The following BACH2 variants were observed in gnomAD, a reference collection of about 807,000 sequenced individuals.
The protein encoded by BACH2 is transcription regulator protein BACH2.
Under a neutral mutation model 61.8 loss-of-function variants are expected in BACH2, and 5 were observed. The ratio of observed to expected loss-of-function variants is 0.08; its 90% CI spans 0.04 to 0.17. The LOEUF (loss-of-function observed/expected upper bound fraction) is 0.17, where lower values mean the gene tolerates loss of function less well. Ranked by LOEUF, BACH2 falls within the 10% of genes least tolerant of loss-of-function variation. BACH2 has a pLI of 1.00. For missense variants in BACH2, 824 were observed against 1,091.1 expected, an observed-to-expected ratio of 0.76 and a Z score of 3.45; for synonymous variants, 446 against 440.1, an observed-to-expected ratio of 1.01 and a Z score of -0.17.
intron 3 of BACH2, among the ~76,000 whole-genome samples, chr6:90,215,294 C>T (rs1460192674): frequency 6.6e-6 from 1 of 152,126 alleles, no homozygotes; most frequent in Admixed American, 6.5e-5. Context: ...TTTCCATCCC[C>T]CTGGTCTGTG....
At position 90,271,928 on chromosome 6, in the gene BACH2, T is replaced by C. The variant is rs1056847342; in HGVS notation, c.-432A>G. On this transcript the variant is annotated 5_prime_UTR_variant, in exon 2 of 9. Coordinates refer to ENST00000257749, the MANE Select transcript of BACH2 (RefSeq NM_021813.4). The stretch of plus-strand genomic sequence containing the variant: ...GGCGAAATGTTAAAACTGGGAGCTA[T>C]GTGAACGAACGCGCTGAAAGACAAA... 19 of 152,448 alleles carry C rather than the reference T, an allele frequency of 1.2e-4. No homozygotes were observed. The highest frequency in any genetic ancestry group is 4.1e-4 in the African/African-American group (17 of 41,544). 9.4% of individuals were successfully genotyped at this position (152,448 alleles called of 1,614,324 possible).
At chr6:90,276,955 A>C (rs1383475994) in intron 1 of BACH2, among the ~76,000 whole-genome samples, 1 of 152,166 alleles carries the variant, frequency 6.6e-6, no homozygotes, top group African/African-American at 2.4e-5. Context: ...CCTCCCTTGA[A>C]AAAATGTGTT....
intron 4 of BACH2, among the ~76,000 whole-genome samples, chr6:90,143,061 T>C (rs958250157): frequency 2.6e-5 from 4 of 152,168 alleles, no homozygotes; most frequent in African/African-American, 9.7e-5. Flanking sequence ...TTATCCACTA[T>C]CCTCCATTCA....
chr6:90,111,660 C>A (rs1227883217), intron 4 of BACH2, among the ~76,000 whole-genome samples: 2 of 152,228 alleles, frequency 1.3e-5, no homozygotes, highest in African/African-American at 2.4e-5. Context: ...TCAACCTGCC[C>A]ATACACATCT....
At chr6:90,067,389 G>A (rs527237777) in intron 5 of BACH2, among the ~76,000 whole-genome samples, 138 of 152,272 alleles carry the variant, frequency 9.1e-4, no homozygotes, top group Non-Finnish European at 1.0e-3. Context: ...GGGATGTTAC[G>A]CAGTAAGTAG....
chr6:89,980,384 C>T (rs1234172431), intron 6 of BACH2, among the ~76,000 whole-genome samples: 3 of 152,146 alleles, frequency 2.0e-5, no homozygotes, highest in Admixed American at 6.5e-5. Context: ...TGGACACACA[C>T]ATGAGCATGG....
intron 5 of BACH2, among the ~76,000 whole-genome samples, chr6:90,057,212 T>A (rs975048129): frequency 6.6e-6 from 1 of 151,832 alleles, no homozygotes; most frequent in African/African-American, 2.4e-5. Flanking sequence ...TCAACAACAT[T>A]GATAGACTGC....
chr6:90,206,153 T>C (rs1769137335), intron 4 of BACH2, among the ~76,000 whole-genome samples: 1 of 152,164 alleles, frequency 6.6e-6, no homozygotes, highest in African/African-American at 2.4e-5. Flanking sequence ...TCCTATCAGG[T>C]AGGTATCATT....
chr6:90,032,443 T>C lies in BACH2; in HGVS notation c.-12-23587A>G, dbSNP rs1779038689. Among the ~76,000 whole-genome samples the C allele has an allele frequency of 1.7e-5, 2 of 115,972 alleles. 1 individual carries two copies. Among genetic ancestry groups the C allele is most frequent in the African/African-American group, 8.7e-5 (2 of 22,868 alleles). The allele number at this position is 115,972 out of a possible 152,430, so 76.1% of individuals were successfully genotyped here. On this transcript the variant is annotated intron_variant, in intron 5 of 8. Transcript: ENST00000257749. ...CAACCTACAGAATTGGAGGAAATTTTTGTAATCTACTCATCTGACAAAAGG... is the reference window on the plus strand; with the variant it reads ...CAACCTACAGAATTGGAGGAAATTTCTGTAATCTACTCATCTGACAAAAGG...
rs183549473 is a variant in BACH2, at chr6:90,092,532, C to T, written c.-161-3423G>A. Among the ~76,000 whole-genome samples, 8 of 152,008 alleles carry T rather than the reference C, an allele frequency of 5.3e-5. No homozygotes were observed. The East Asian group carries it at 1.2e-3, about 22-fold the overall frequency. On this transcript the variant is annotated intron_variant, in intron 4 of 8. Transcript: ENST00000257749. Reference sequence around the variant, plus strand: ...ATGCTGGGCACCCCACTCACTGCCTCGGAGCCTACTACCTCTCACAGGTTC... The same window carrying T: ...ATGCTGGGCACCCCACTCACTGCCTTGGAGCCTACTACCTCTCACAGGTTC...
chr6:90,012,628 CAA>C (rs549056946), intron 5 of BACH2, among the ~76,000 whole-genome samples: 27 of 108,536 alleles, frequency 2.5e-4, no homozygotes, highest in Admixed American at 2.9e-4. Context: ...GACTCCACCT[CAA>C]AAAAAAAAAA....
chr6:90,041,410 T>C (rs921271725), intron 5 of BACH2, among the ~76,000 whole-genome samples: 1 of 152,016 alleles, frequency 6.6e-6, no homozygotes, highest in Non-Finnish European at 1.5e-5. Context: ...GCAGCATCTA[T>C]GAACATGATC....
At chr6:90,263,209 C>T (rs566282708) in intron 2 of BACH2, among the ~76,000 whole-genome samples, 8 of 152,240 alleles carry the variant, frequency 5.3e-5, no homozygotes, top group Admixed American at 4.6e-4. Context: ...CAAGAGTTTA[C>T]TGAAAATGGA....
chr6:90,131,768 C>G (rs1356921213), intron 4 of BACH2, among the ~76,000 whole-genome samples: 2 of 152,180 alleles, frequency 1.3e-5, no homozygotes, highest in Admixed American at 1.3e-4. Flanking sequence ...ATTGGTTCCA[C>G]CATAAGAAAG....
chr6:90,259,617 A>G (rs662685), intron 2 of BACH2, among the ~76,000 whole-genome samples: 11,160 of 152,068 alleles, frequency 0.073, 1,312 homozygotes, highest in African/African-American at 0.25. Context: ...TTCTAGTTCT[A>G]TTTTTTTGGA....
intron 3 of BACH2, among the ~76,000 whole-genome samples, chr6:90,222,050 T>G (rs771051428): frequency 2.0e-5 from 3 of 152,328 alleles, no homozygotes; most frequent in Non-Finnish European, 4.4e-5. Context: ...GAAAAAAGTA[T>G]TATTTTAACA....
intron 4 of BACH2, among the ~76,000 whole-genome samples, chr6:90,155,214 C>T (rs1054438870): frequency 3.3e-5 from 5 of 152,158 alleles, no homozygotes; most frequent in Admixed American, 6.5e-5. Flanking sequence ...AAGAAGGCTG[C>T]AAAATCTATC....
chr6:90,295,206 C>T (rs1772302510), intron 1 of BACH2, among the ~76,000 whole-genome samples: 1 of 152,092 alleles, frequency 6.6e-6, no homozygotes, highest in Non-Finnish European at 1.5e-5. Context: ...GAGCAGGCTG[C>T]GAGGCGCGCC....
chr6:90,212,362 TAAAGAAGAGGCAAGAGG>T (rs1428024980), intron 3 of BACH2, among the ~76,000 whole-genome samples: 4 of 152,154 alleles, frequency 2.6e-5, no homozygotes, highest in Non-Finnish European at 5.9e-5. Context: ...CCCTGCTTCC[TAAAGAAGAGGCAAGAGG>T]AACAGAGTGG....
Sources: allele counts gnomAD v4.1 joint callset (sites outside exome capture counted in the v4.1 genomes callset), GRCh38; gene constraint gnomAD v4.1.1; transcripts MANE v1.5; gene names NCBI Gene and HGNC (gene_info 2026-07-23, HGNC 2026-07-21).